SLIT2: variants seen among roughly 807,000 people sequenced by gnomAD.
The protein encoded by SLIT2 is slit homolog 2 protein.
A neutral mutation model predicts 185.7 loss-of-function variants in SLIT2; 41 were observed. The ratio of observed to expected loss-of-function variants is 0.22; its 90% confidence interval spans 0.17 to 0.29. The LOEUF (loss-of-function observed/expected upper bound fraction) is 0.29. Ranked by LOEUF, SLIT2 falls within the 10% of genes least tolerant of loss-of-function variation. SLIT2 has a pLI of 1.00. For missense variants in SLIT2, 1,571 were observed against 1,909.0 expected, an observed-to-expected ratio of 0.82 and a Z score of 3.30; for synonymous variants, 693 against 680.2, an observed-to-expected ratio of 1.02 and a Z score of -0.29.
At chr4:20,616,711 T>C (rs1415112626) in intron 34 of SLIT2, 199 bp from the exon 35 acceptor site, 1 of 472,638 alleles carries the variant, frequency 2.1e-6, no homozygotes, top group East Asian at 3.3e-5. Context: ...GATTAGAATT[T>C]CCTGGAGCAT....
At chr4:20,601,862 T>C (rs1247018343) in intron 33 of SLIT2, among the ~76,000 whole-genome samples, 1 of 152,240 alleles carries the variant, frequency 6.6e-6, no homozygotes, top group East Asian at 1.9e-4. Context: ...TTCTATGTTA[T>C]ATAAAATTTA....
chr4:20,551,536 C>T (rs1343993255), intron 25 of SLIT2, among the ~76,000 whole-genome samples: 3 of 152,106 alleles, frequency 2.0e-5, no homozygotes, highest in Non-Finnish European at 4.4e-5. Flanking sequence ...GGGTCAAATT[C>T]CATGATTTTA....
At chr4:20,568,717 T>C in intron 28 of SLIT2, 148 bp from the exon 29 acceptor site, 1 of 666,928 alleles carries the variant, frequency 1.5e-6, no homozygotes, top group Non-Finnish European at 2.5e-6. Context: ...TTACAACATG[T>C]CAGTTAAAAG....
chr4:20,434,902 T>C (rs1043308660), intron 4 of SLIT2, among the ~76,000 whole-genome samples: 23 of 152,166 alleles, frequency 1.5e-4, no homozygotes, highest in Non-Finnish European at 2.9e-4. Context: ...TGAGAACATA[T>C]GGCATATAGA....
chr4:20,535,126 C>T (rs61789457), intron 18 of SLIT2, among the ~76,000 whole-genome samples: 28,323 of 151,876 alleles, frequency 0.19, 3,298 homozygotes, highest in Middle Eastern at 0.33. Context: ...TGATGACATC[C>T]GGTCTCTACT....
intron 15 of SLIT2, among the ~76,000 whole-genome samples, chr4:20,527,844 T>G (rs901486336): frequency 1.3e-5 from 2 of 152,216 alleles, no homozygotes; most frequent in Admixed American, 1.3e-4. Flanking sequence ...TCTTTACTTT[T>G]GCAGGAATTC....
Position 20,528,220 on chromosome 4 carries a change from T to C in SLIT2, c.1463-729T>C. The C allele has an allele frequency of 3.8e-6, 2 of 532,928 alleles. No individual in the cohort carries two copies. Among genetic ancestry groups the C allele is most frequent in the Non-Finnish European group, 7.7e-6 (2 of 259,314 alleles). 33.0% of individuals were successfully genotyped at this position (532,928 alleles called of 1,614,324 possible). ...GTTTCCAGAACGTCTGTAGCTTTTC[T>C]CCTCCTTCCCTCCATTTTCCTCTTG... On this transcript the variant is annotated intron_variant, in intron 15 of 36. Coordinates refer to ENST00000504154, the MANE Select transcript of SLIT2 (RefSeq NM_004787.4). The surrounding 1 kb of genome is among the most constrained non-coding windows in gnomAD (Gnocchi z 4.2).
chr4:20,354,669 A>G (rs183724601), intron 4 of SLIT2, among the ~76,000 whole-genome samples: 177 of 152,284 alleles, frequency 1.2e-3, no homozygotes, highest in Admixed American at 2.1e-3. Context: ...ACAGCATGCT[A>G]TAAATGTCTT....
At chr4:20,547,941 C>T (rs1031943032) in intron 22 of SLIT2, among the ~76,000 whole-genome samples, 11 of 152,008 alleles carry the variant, frequency 7.2e-5, no homozygotes, top group African/African-American at 2.7e-4. Context: ...GGGGCAGGAG[C>T]ACAGACGTTT....
At chr4:20,588,597 T>A (rs1727259506) in intron 29 of SLIT2, among the ~76,000 whole-genome samples, 1 of 152,184 alleles carries the variant, frequency 6.6e-6, no homozygotes, top group Non-Finnish European at 1.5e-5. Context: ...AAAAATAACT[T>A]AAAATGTATT....
At chr4:20,529,966 T>C (rs779189501) in intron 16 of SLIT2, among the ~76,000 whole-genome samples, 1 of 152,210 alleles carries the variant, frequency 6.6e-6, no homozygotes, top group Non-Finnish European at 1.5e-5. Context: ...AGGGATTGTG[T>C]GTTATTGTTT....
chr4:20,253,389 A>C lies in SLIT2; in HGVS notation c.-427A>C. ...CTTGTACCTTCGCCACTGGCATCGG[A>C]TTTGCAGAAGCGTGCGTGGGATCAG... On this transcript the variant is annotated 5_prime_UTR_variant, in exon 1 of 37. Transcript: ENST00000504154. The C allele has an allele frequency of 5.2e-6, 1 of 190,508 alleles. No homozygotes were observed. Among genetic ancestry groups the C allele is most frequent in the Non-Finnish European group, 1.1e-5 (1 of 92,228 alleles). The allele number at this position is 190,508 out of a possible 1,614,324, so 11.8% of individuals were successfully genotyped here.
At chr4:20,485,509 G>C (rs1717133469) in intron 6 of SLIT2, among the ~76,000 whole-genome samples, 1 of 152,118 alleles carries the variant, frequency 6.6e-6, no homozygotes, top group Admixed American at 6.6e-5. Flanking sequence ...TCCTGGATCT[G>C]CTACCTCAAG....
At chr4:20,442,257 C>T (rs1209090177) in intron 4 of SLIT2, among the ~76,000 whole-genome samples, 3 of 152,088 alleles carry the variant, frequency 2.0e-5, no homozygotes, top group East Asian at 1.9e-4. Context: ...CGGTGGCTCA[C>T]GCCTGTAATC....
intron 4 of SLIT2, among the ~76,000 whole-genome samples, chr4:20,384,078 T>C (rs1724745385): frequency 7.1e-6 from 1 of 140,076 alleles, no homozygotes; most frequent in African/African-American, 2.6e-5. Context: ...TATGCAAATA[T>C]TCAGAGCAGC....
chr4:20,592,152 G>C (rs1727564765), intron 30 of SLIT2, among the ~76,000 whole-genome samples: 1 of 152,112 alleles, frequency 6.6e-6, no homozygotes, highest in African/African-American at 2.4e-5. Context: ...AATCTCTACT[G>C]ACAAATGTTG....
chr4:20,304,795 A>G (rs945429024), intron 4 of SLIT2, among the ~76,000 whole-genome samples: 1 of 152,108 alleles, frequency 6.6e-6, no homozygotes, highest in Non-Finnish European at 1.5e-5. Flanking sequence ...TACAAAACGC[A>G]AAAACTGCCC....
chr4:20,403,064 T>A (rs1370415908), intron 4 of SLIT2, among the ~76,000 whole-genome samples: 1 of 151,910 alleles, frequency 6.6e-6, no homozygotes, highest in Non-Finnish European at 1.5e-5. Context: ...TTTAAAATAG[T>A]TGAGCTTGTG....
intron 4 of SLIT2, among the ~76,000 whole-genome samples, chr4:20,456,692 GGAAAT>G (rs1411699526): frequency 3.3e-5 from 5 of 152,012 alleles, no homozygotes; most frequent in Admixed American, 2.6e-4. Context: ...CAGGTGTTCA[GGAAAT>G]GATTATTTCC....
Sources: allele counts gnomAD v4.1 joint callset (sites outside exome capture counted in the v4.1 genomes callset), GRCh38; gene constraint gnomAD v4.1.1; non-coding constraint Gnocchi (gnomAD v3.1); transcripts MANE v1.5; gene names NCBI Gene and HGNC (gene_info 2026-07-23, HGNC 2026-07-21).